LPL: variants seen among roughly 807,000 people sequenced by gnomAD.
The protein encoded by LPL is lipoprotein lipase, also known as phospholipase A1.
A neutral mutation model predicts 52.2 loss-of-function variants in LPL; 43 were observed. The ratio of observed to expected loss-of-function variants is 0.82; its 90% CI spans 0.64 to 1.06. The LOEUF (loss-of-function observed/expected upper bound fraction) is 1.06, where lower values mean the gene tolerates loss of function less well. LPL is among the 50% of genes least tolerant of loss of function. The probability of loss-of-function intolerance (pLI) is 0.00; values close to 1 mark genes in which losing one functional copy is unlikely to be tolerated. For missense variants in LPL, 639 were observed against 585.3 expected (o/e 1.09, Z -0.95); for synonymous variants, 244 against 215.6 (o/e 1.13, Z -1.15).
rs770571397 is a variant in LPL at position 19,954,367 on chromosome 8, A to C, written c.775+14A>C. 3.1e-6 allele frequency: 5 copies of C among 1,606,466 alleles called. No individual in the cohort carries two copies. ...GAGGACTTGGAGGTAAATATTATTT[A>C]GAAGCGAATTAAATGTGACTCTTAT... On this transcript the variant is annotated intron_variant, in intron 5 of 9. Transcript: ENST00000650287.
At chr8:19,957,264 G>A (rs2069994168) in intron 6 of LPL, among the ~76,000 whole-genome samples, 1 of 152,182 alleles carries the variant, frequency 6.6e-6, no homozygotes, top group Admixed American at 6.5e-5. Flanking sequence ...TCCGGTGAGA[G>A]GGACCAACTT....
At chr8:19,946,462 A>G (rs1278632440) in intron 1 of LPL, 1 of 183,852 alleles carries the variant, frequency 5.4e-6, no homozygotes, top group Non-Finnish European at 1.2e-5. Context: ...AGATATTTAG[A>G]TAAGGCTGAT....
intron 1 of LPL, among the ~76,000 whole-genome samples, chr8:19,945,378 G>A (rs1311566249): frequency 6.6e-6 from 1 of 152,138 alleles, no homozygotes; most frequent in Non-Finnish European, 1.5e-5. Flanking sequence ...GTTTGACTAA[G>A]TGCCGATAAG....
chr8:19,962,284 T>G (rs1399017321), intron 9 of LPL, 65 bp downstream of exon 9: 2 of 1,189,638 alleles, frequency 1.7e-6, no homozygotes, highest in African/African-American at 3.0e-5. Flanking sequence ...GGCAGCTTCA[T>G]GCATTCCTCT....
In LPL at chr8:19,948,396, C is replaced by T. The variant is rs548717989; in HGVS notation, c.249+56C>T. 63 of 1,599,814 alleles carry T rather than the reference C, an allele frequency of 3.9e-5. No homozygotes were observed. The African/African-American group carries it at 7.0e-4, about 18-fold the overall frequency. On this transcript the variant is annotated intron_variant, in intron 2 of 9. Coordinates refer to ENST00000650287, the MANE Select transcript of LPL (RefSeq NM_000237.3). ...TGGGGTGGTGAGGTATCCTGACTGG[C>T]CTGCCCAATTGTTGGGGACCCAGTG...
At chr8:19,964,810 A>G (rs961125582) in intron 9 of LPL, among the ~76,000 whole-genome samples, 1 of 152,202 alleles carries the variant, frequency 6.6e-6, no homozygotes, top group African/African-American at 2.4e-5. Flanking sequence ...GATTACAGGC[A>G]TGAGCCACAG....
chr8:19,958,560 T>TC (rs2070007879), intron 6 of LPL, among the ~76,000 whole-genome samples: 1 of 141,612 alleles, frequency 7.1e-6, no homozygotes, highest in South Asian at 2.2e-4. Context: ...TGAAATAAGT[T>TC]CTTTTTTAAA....
chr8:19,959,483 T>C, intron 7 of LPL, 103 bp downstream of exon 7: 1 of 1,403,840 alleles, frequency 7.1e-7, no homozygotes, highest in Middle Eastern at 2.2e-4. Flanking sequence ...AAAACAAGTC[T>C]TTAGTTAAAA....
intron 1 of LPL, among the ~76,000 whole-genome samples, chr8:19,942,949 C>T (rs2128835892): frequency 6.6e-6 from 1 of 152,318 alleles, no homozygotes; most frequent in East Asian, 1.9e-4. Context: ...CCAGTCTGTG[C>T]TCTCAGAATG....
At chr8:19,951,457 A>T (rs1448508804) in intron 2 of LPL, among the ~76,000 whole-genome samples, 1 of 152,178 alleles carries the variant, frequency 6.6e-6, no homozygotes, top group African/African-American at 2.4e-5. Flanking sequence ...CATTCAGACC[A>T]ATCTTTCCTT....
chr8:19,951,813 C>T lies in LPL; in HGVS notation c.294C>T (p.Ala98=). The change falls in exon 3 of 10, where the codon GCC becomes GCT. Residue 98 remains alanine (A), a synonymous_variant. Transcript: ENST00000650287. The part of the protein sequence containing the change: ...YESWVPKLVA[A]LYKREPDSNV... The stretch of plus-strand genomic sequence containing the variant: ...GTTGGGTGCCAAAACTTGTGGCCGC[C>T]CTGTACAAGAGAGAACCAGACTCCA... 6.2e-7 allele frequency: 1 copy of T among 1,614,106 alleles called. No homozygotes were observed. The highest frequency in any genetic ancestry group is 8.5e-7 in the Non-Finnish European group (1 of 1,180,034).
At chr8:19,948,407 G>A (rs1802331519) in intron 2 of LPL, 67 bp downstream of exon 2, 4 of 1,583,372 alleles carry the variant, frequency 2.5e-6, no homozygotes, top group Non-Finnish European at 2.6e-6. Context: ...CTGCCCAATT[G>A]TTGGGGACCC....
rs887149302 is a variant in LPL, at chr8:19,966,730, G to A, written c.*1420G>A. On this transcript the variant is annotated 3_prime_UTR_variant, in exon 10 of 10. Coordinates refer to ENST00000650287, the MANE Select transcript of LPL (RefSeq NM_000237.3). Reference sequence around the variant, plus strand: ...TGTCGGAGTAGAAATTGTTCCTGATGTGCCAGAACTTCGACCCTTTCTCTG... The same window carrying A: ...TGTCGGAGTAGAAATTGTTCCTGATATGCCAGAACTTCGACCCTTTCTCTG... 9 of 152,154 alleles carry A rather than the reference G, an allele frequency of 5.9e-5. No individual in the cohort carries two copies. Among genetic ancestry groups the A allele is most frequent in the African/African-American group, 1.9e-4 (8 of 41,436 alleles). 9.4% of individuals were successfully genotyped at this position (152,154 alleles called of 1,614,324 possible).
In LPL at chr8:19,951,807, G is replaced by C; in HGVS notation, c.288G>C (p.Val96=). ...GMYESWVPKL[V]AALYKREPDS... is the part of the protein sequence containing the mutation. ...ATGAGAGTTGGGTGCCAAAACTTGT[G>C]GCCGCCCTGTACAAGAGAGAACCAG... The change falls in exon 3 of 10, where the codon GTG becomes GTC. Residue 96 remains valine, a synonymous_variant. Coordinates refer to ENST00000650287, the MANE Select transcript of LPL (RefSeq NM_000237.3). 6.2e-7 allele frequency: 1 copy of C among 1,614,182 alleles called. No homozygotes were observed. The highest frequency in any genetic ancestry group is 8.5e-7 in the Non-Finnish European group (1 of 1,180,044).
intron 3 of LPL, among the ~76,000 whole-genome samples, chr8:19,952,514 T>G (rs2069943177): frequency 6.6e-6 from 1 of 152,136 alleles, no homozygotes; most frequent in Non-Finnish European, 1.5e-5. Flanking sequence ...TTTCACACGA[T>G]CCCTTGAGAA....
intron 1 of LPL, among the ~76,000 whole-genome samples, chr8:19,947,166 TCATGCTTCC>T (rs1563568416): frequency 6.6e-6 from 1 of 152,206 alleles, no homozygotes. Context: ...AAAAGCCTCC[TCATGCTTCC>T]AACTTTTCTT....
At position 19,966,884 on chromosome 8, in the gene LPL, A is replaced by T. The variant is rs2070094344; in HGVS notation, c.*1574A>T. 1 of 152,564 alleles carries T rather than the reference A, an allele frequency of 6.6e-6. No homozygotes were observed. Among genetic ancestry groups the T allele is most frequent in the African/African-American group, 2.4e-5 (1 of 41,452 alleles). The allele number at this position is 152,564 out of a possible 1,614,324, so 9.5% of individuals were successfully genotyped here. A position where few individuals can be genotyped will look rare whatever the true frequency, so the allele number is the denominator to read the frequency against. ...TTGGCATCCCCTTTATTAATTCATT[A>T]AATTTCTGGATTTGGGTTGTGACCC... On this transcript the variant is annotated 3_prime_UTR_variant, in exon 10 of 10. Transcript: ENST00000650287.
Position 19,965,341 on chromosome 8 carries a change from C to T in LPL, c.*31C>T. The T allele has an allele frequency of 1.3e-6, 1 of 780,540 alleles. No individual in the cohort carries two copies. The highest frequency in any genetic ancestry group is 2.4e-6 in the Non-Finnish European group (1 of 417,910). The allele number at this position is 780,540 out of a possible 1,614,324, so 48.4% of individuals were successfully genotyped here. ...GGCGAATCTACAGAACAAAGAACGG[C>T]ATGTGAATTCTGTGAAGAATGAAGT... On this transcript the variant is annotated 3_prime_UTR_variant, in exon 10 of 10. Transcript: ENST00000650287.
intron 3 of LPL, 53 bp from the exon 4 acceptor site, chr8:19,953,257 A>T: frequency 1.9e-6 from 2 of 1,046,592 alleles, no homozygotes; most frequent in Non-Finnish European, 3.0e-6. Context: ...TGTTTCTTTT[A>T]GTTTTATTTT....
Sources: gnomAD v4.1 joint callset for allele counts (sites outside exome capture counted in the v4.1 genomes callset) on GRCh38, gnomAD v4.1.1 for gene constraint, MANE v1.5 for transcripts, NCBI Gene and HGNC (gene_info 2026-07-23, HGNC 2026-07-21) for gene names.